The following NTSR1 variants were observed in gnomAD, a reference collection of about 807,000 sequenced individuals.
NTSR1 encodes the protein neurotensin receptor 1.
Under a neutral mutation model 31.2 loss-of-function variants are expected in NTSR1, and 29 were observed. The ratio of observed to expected loss-of-function variants is 0.93; its 90% CI spans 0.69 to 1.27. The LOEUF is 1.27. Ranked by LOEUF, NTSR1 falls within the 50% of genes most tolerant of loss-of-function variation. The pLI is 0.00. For synonymous variants in NTSR1, 282 were observed against 269.9 expected, an observed-to-expected ratio of 1.04 and a Z score of -0.44; for missense variants, 697 against 595.4, an observed-to-expected ratio of 1.17 and a Z score of -1.78.
Position 62,710,816 on chromosome 20 carries a change from A to C in NTSR1, c.714+895A>C, listed in dbSNP as rs191937284. Among the ~76,000 whole-genome samples, 204 of 152,172 alleles carry C rather than the reference A, an allele frequency of 1.3e-3. 3 individuals carry two copies. The highest frequency in any genetic ancestry group is 4.7e-3 in the African/African-American group (196 of 41,502). On this transcript the variant is annotated intron_variant, in intron 1 of 3. Transcript: ENST00000370501. ...AGGGAGGAAGTCAGGGCCGGTCGGGAACTTTGAAAGGCATCTTGGAAATGA... is the reference window on the plus strand; with the variant it reads ...AGGGAGGAAGTCAGGGCCGGTCGGGCACTTTGAAAGGCATCTTGGAAATGA...
In NTSR1 at chr20:62,709,244, A is replaced by C. The variant is rs1988540084; in HGVS notation, c.37A>C (p.Thr13Pro). The C allele has an allele frequency of 1.3e-6, 2 of 1,508,114 alleles. No homozygotes were observed. Among genetic ancestry groups the C allele is most frequent in the African/African-American group, 2.8e-5 (2 of 71,246 alleles). 93.4% of individuals were successfully genotyped at this position (1,508,114 alleles called of 1,614,324 possible). The change falls in exon 1 of 4, where the codon ACG becomes CCG. Residue 13 changes from threonine (T) to proline (P), a missense_variant. Thr to Pro is a conservative substitution (Grantham distance 38). Transcript: ENST00000370501. Reference protein sequence around the residue: ...LNSSAPGTPGTPAADPFQRAQ... With the variant: ...LNSSAPGTPGPPAADPFQRAQ... ...CAGCTCCGCGCCGGGAACCCCGGGC[A>C]CGCCGGCCGCCGACCCCTTCCAGCG...
At chr20:62,727,581 CG>C (rs1988930534) in intron 1 of NTSR1, among the ~76,000 whole-genome samples, 1 of 152,206 alleles carries the variant, frequency 6.6e-6, no homozygotes, top group African/African-American at 2.4e-5. Context: ...CTGAGCCCTC[CG>C]CCTCCAGCAT....
At position 62,761,544 on chromosome 20, in the gene NTSR1, GCTGGCCGGGA is replaced by G. The variant is rs1280480832; in HGVS notation, c.*1279_*1288del. 6.6e-6 allele frequency: 1 copy of G among 152,248 alleles called. No homozygotes were observed. Among genetic ancestry groups the G allele is most frequent in the African/African-American group, 2.4e-5 (1 of 41,450 alleles). 9.4% of individuals were successfully genotyped at this position (152,248 alleles called of 1,614,324 possible). On this transcript the variant is annotated 3_prime_UTR_variant, in exon 4 of 4. Coordinates refer to ENST00000370501, the MANE Select transcript of NTSR1 (RefSeq NM_002531.3). Reference sequence around the variant, plus strand: ...CTAAGAGAAGACAGTCCCAGGAGAAGCTGGCCGGGACCAGCCAGGAGCTGGGAGCCACAGG... The same window carrying G: ...CTAAGAGAAGACAGTCCCAGGAGAAGCCAGCCAGGAGCTGGGAGCCACAGG...
chr20:62,754,767 TG>T lies in NTSR1; in HGVS notation c.799del (p.Val267TyrfsTer82), dbSNP rs752878654. The T allele has an allele frequency of 1.2e-5, 19 of 1,612,756 alleles. No individual in the cohort carries two copies. Among genetic ancestry groups the T allele is most frequent in the Non-Finnish European group, 1.6e-5 (19 of 1,179,816 alleles). The stretch of plus-strand genomic sequence containing the variant: ...ATCATCGCCAACAAGCTGACCGTCA[TG>T]GTACGCCAGGCGGCCGAGCAGGGCC... ...NTIIANKLTV[M>X]VRQAAEQGQV... On this transcript the variant is annotated frameshift_variant, in exon 2 of 4. Transcript: ENST00000370501. LOFTEE classifies it high-confidence loss of function.
chr20:62,747,528 G>A (rs1012700749), intron 1 of NTSR1, among the ~76,000 whole-genome samples: 9 of 151,194 alleles, frequency 6.0e-5, no homozygotes, highest in African/African-American at 4.9e-5. Flanking sequence ...TAAAGGCCAC[G>A]TATGACAGAC....
At chr20:62,731,153 C>T (rs1229864469) in intron 1 of NTSR1, among the ~76,000 whole-genome samples, 3 of 152,070 alleles carry the variant, frequency 2.0e-5, no homozygotes, top group Admixed American at 1.3e-4. Context: ...GGCACAATCT[C>T]GGCTCACCAC....
chr20:62,726,146 T>C (rs1484826529), intron 1 of NTSR1, among the ~76,000 whole-genome samples: 3 of 152,164 alleles, frequency 2.0e-5, no homozygotes, highest in Non-Finnish European at 4.4e-5. Flanking sequence ...GAGCAGCCCT[T>C]CCGAACCGGT....
At chr20:62,734,153 G>T (rs2147139614) in intron 1 of NTSR1, among the ~76,000 whole-genome samples, 1 of 152,222 alleles carries the variant, frequency 6.6e-6, no homozygotes, top group African/African-American at 2.4e-5. Flanking sequence ...TCCTTCTCTG[G>T]CTCAGCCACG....
Position 62,760,260 on chromosome 20 carries a change from T to A in NTSR1, c.1250T>A (p.Leu417Gln). Residue 417 changes from leucine (L) to glutamine (Q), a missense_variant, in exon 4 of 4, where the codon CTG becomes CAG. Coordinates refer to ENST00000370501, the MANE Select transcript of NTSR1 (RefSeq NM_002531.3). ...TCCAGCAATGCCACCCGCGAGACGC[T>A]GTACTAGGCTGTGCGCCCCGGAACG... ...TLSSNATRET[L>Q]Y 1 of 1,606,476 alleles carries A rather than the reference T, an allele frequency of 6.2e-7. No individual in the cohort carries two copies.
chr20:62,750,887 A>C (rs1165773322), intron 1 of NTSR1, among the ~76,000 whole-genome samples: 1 of 151,710 alleles, frequency 6.6e-6, no homozygotes, highest in East Asian at 1.9e-4. Context: ...AGATACAAAT[A>C]TTTTTGCGAT....
At chr20:62,756,215 G>C (rs151058771) in intron 2 of NTSR1, among the ~76,000 whole-genome samples, 114 of 152,226 alleles carry the variant, frequency 7.5e-4, no homozygotes, top group Non-Finnish European at 1.4e-3. Flanking sequence ...GACTACATCT[G>C]GCAGCTGGGA....
chr20:62,750,901 C>T (rs1030084192), intron 1 of NTSR1, among the ~76,000 whole-genome samples: 1 of 151,902 alleles, frequency 6.6e-6, no homozygotes, highest in African/African-American at 2.4e-5. Context: ...TTGCGATGGG[C>T]GTCTCACTCT....
chr20:62,735,105 T>G (rs2427430), intron 1 of NTSR1: 53,993 of 152,210 alleles, frequency 0.35, 10,083 homozygotes, highest in East Asian at 0.53. Context: ...TGCCATCGTG[T>G]GCGGTGACGT....
rs1392358098 is a variant in NTSR1 at position 62,711,642 on chromosome 20, A to G, written c.714+1721A>G. On this transcript the variant is annotated intron_variant, in intron 1 of 3. Coordinates refer to ENST00000370501, the MANE Select transcript of NTSR1 (RefSeq NM_002531.3). This position sits in a 1 kb window ranked among gnomAD's most constrained non-coding sequence, Gnocchi z 6.4. Reference sequence around the variant, plus strand: ...CCTGCTCCCCTGGCAAAAGGCCAGGAGCTCACCAGCCTCCTGCAGTCCTCA... The same window carrying G: ...CCTGCTCCCCTGGCAAAAGGCCAGGGGCTCACCAGCCTCCTGCAGTCCTCA... Among the ~76,000 whole-genome samples, 2 of 144,926 alleles carry G rather than the reference A, an allele frequency of 1.4e-5. No individual in the cohort carries two copies. The highest frequency in any genetic ancestry group is 2.5e-5 in the African/African-American group (1 of 39,744).
intron 1 of NTSR1, among the ~76,000 whole-genome samples, chr20:62,738,813 G>A (rs976930960): frequency 1.3e-5 from 2 of 152,226 alleles, no homozygotes; most frequent in African/African-American, 4.8e-5. Flanking sequence ...CTAGGTCTCA[G>A]GCCAGAGATC....
chr20:62,728,399 G>A (rs1312719442), intron 1 of NTSR1, among the ~76,000 whole-genome samples: 3 of 152,184 alleles, frequency 2.0e-5, no homozygotes, highest in African/African-American at 7.2e-5. Context: ...CTGGGTGGGT[G>A]CAGACACTAC....
chr20:62,731,003 T>C (rs1988992949), intron 1 of NTSR1, among the ~76,000 whole-genome samples: 1 of 152,240 alleles, frequency 6.6e-6, no homozygotes, highest in African/African-American at 2.4e-5. Flanking sequence ...TTTGCAAATA[T>C]TTTTTCCTAG....
intron 2 of NTSR1, among the ~76,000 whole-genome samples, chr20:62,755,224 T>G (rs1466982623): frequency 1.4e-5 from 1 of 72,448 alleles, no homozygotes; most frequent in African/African-American, 5.3e-5. Flanking sequence ...TCCATCCTTC[T>G]CTCCCTCCTT....
intron 1 of NTSR1, among the ~76,000 whole-genome samples, chr20:62,753,237 G>A (rs949248352): frequency 1.3e-5 from 2 of 152,238 alleles, no homozygotes; most frequent in East Asian, 1.9e-4. Context: ...GGTGCCCAGA[G>A]GGGGCCAGGG....
Sources: allele counts gnomAD v4.1 joint callset (sites outside exome capture counted in the v4.1 genomes callset), GRCh38; gene constraint gnomAD v4.1.1; non-coding constraint Gnocchi (gnomAD v3.1); transcripts MANE v1.5; gene names NCBI Gene and HGNC (gene_info 2026-07-23, HGNC 2026-07-21).